LAMA2: variants seen among roughly 807,000 people sequenced by gnomAD.
LAMA2 encodes the protein laminin subunit alpha 2, also known as laminin subunit alpha-2.
A neutral mutation model predicts 364.8 loss-of-function variants in LAMA2; 269 were observed. The ratio of observed to expected loss-of-function variants is 0.74; its 90% CI spans 0.67 to 0.82. The LOEUF is 0.82. Ranked by LOEUF, LAMA2 falls within the 40% of genes least tolerant of loss-of-function variation. The pLI is 0.00. For synonymous variants in LAMA2, 1,379 were observed against 1,370.6 expected (o/e 1.01, Z -0.14); for missense variants, 3,807 against 3,873.2 (o/e 0.98, Z 0.45).
chr6:129,417,061 A>G (rs1057358038), intron 40 of LAMA2, among the ~76,000 whole-genome samples: 1 of 152,098 alleles, frequency 6.6e-6, no homozygotes, highest in Non-Finnish European at 1.5e-5. Context: ...AGCTCCCCAA[A>G]AGGCCACAGC....
At chr6:129,076,834 T>C (rs747999135) in intron 3 of LAMA2, among the ~76,000 whole-genome samples, 76 of 152,184 alleles carry the variant, frequency 5.0e-4, no homozygotes, top group Non-Finnish European at 6.8e-4. Context: ...TCAAATTTTC[T>C]GTAGGAAGGT....
At chr6:129,141,110 TC>T (rs1778099332) in intron 4 of LAMA2, among the ~76,000 whole-genome samples, 1 of 152,054 alleles carries the variant, frequency 6.6e-6, no homozygotes, top group African/African-American at 2.4e-5. Flanking sequence ...TTTCCTCCTT[TC>T]TTTCAAGTAG....
intron 6 of LAMA2, among the ~76,000 whole-genome samples, chr6:129,147,555 G>A (rs1002170602): frequency 6.6e-6 from 1 of 151,858 alleles, no homozygotes; most frequent in Non-Finnish European, 1.5e-5. Context: ...GTGGCAAGCC[G>A]GAAAATGCCA....
chr6:129,331,565 A>G (rs9492301), intron 29 of LAMA2, among the ~76,000 whole-genome samples: 2,149 of 152,128 alleles, frequency 0.014, 45 homozygotes, highest in African/African-American at 0.044. Flanking sequence ...TCCAGAAAAG[A>G]TCACATCTTC....
rs767640802 is a variant in LAMA2, at chr6:129,486,541, T to C, written c.7817T>C (p.Met2606Thr). The change falls in exon 56 of 65, where the codon ATG becomes ACG. Residue 2606 changes from methionine to threonine, a missense_variant. Transcript: ENST00000421865. ...CATCTCTCCACAGGGGCACGAACAA[T>C]GAGGAAAATTGTGATCAGACCAGAG... ...EVHLSTGART[M>T]RKIVIRPEPN... 31 of 1,613,434 alleles carry C rather than the reference T, an allele frequency of 1.9e-5. No homozygotes were observed. The highest frequency in any genetic ancestry group is 2.5e-5 in the Non-Finnish European group (30 of 1,179,552).
At chr6:129,005,803 A>G (rs2114684364) in intron 1 of LAMA2, among the ~76,000 whole-genome samples, 1 of 151,178 alleles carries the variant, frequency 6.6e-6, no homozygotes, top group Non-Finnish European at 1.5e-5. Flanking sequence ...TACAATTTAT[A>G]TATATGGATT....
At chr6:128,977,956 G>T (rs568274163) in intron 1 of LAMA2, among the ~76,000 whole-genome samples, 1 of 152,090 alleles carries the variant, frequency 6.6e-6, no homozygotes, top group Non-Finnish European at 1.5e-5. Flanking sequence ...TTCTAGCTAA[G>T]TACTTTCAGC....
At chr6:129,166,525 A>T (rs1779753774) in intron 9 of LAMA2, among the ~76,000 whole-genome samples, 1 of 152,212 alleles carries the variant, frequency 6.6e-6, no homozygotes, top group African/African-American at 2.4e-5. Context: ...CATGTAGACT[A>T]AATTTTGAAA....
intron 1 of LAMA2, among the ~76,000 whole-genome samples, chr6:129,009,058 TC>T (rs1208285588): frequency 1.3e-5 from 2 of 152,150 alleles, no homozygotes; most frequent in African/African-American, 4.8e-5. Flanking sequence ...TATCAATATC[TC>T]AAGTAAGTAT....
At chr6:129,042,659 C>G (rs1373952884) in intron 1 of LAMA2, among the ~76,000 whole-genome samples, 1 of 152,078 alleles carries the variant, frequency 6.6e-6, no homozygotes, top group Non-Finnish European at 1.5e-5. Flanking sequence ...TATGCCTCTT[C>G]CCAGTCAGTC....
chr6:129,050,657 G>C (rs777325456), intron 2 of LAMA2, among the ~76,000 whole-genome samples: 1 of 152,106 alleles, frequency 6.6e-6, no homozygotes, highest in Non-Finnish European at 1.5e-5. Flanking sequence ...GAGGGGAAGA[G>C]GAGAAGTCAT....
intron 12 of LAMA2, among the ~76,000 whole-genome samples, chr6:129,210,521 T>C (rs1435076429): frequency 1.3e-5 from 2 of 152,100 alleles, no homozygotes; most frequent in Admixed American, 6.6e-5. Flanking sequence ...TAATTTGGAA[T>C]GGGAGAGAAA....
chr6:129,179,530 G>A (rs1780807191), intron 10 of LAMA2, among the ~76,000 whole-genome samples: 1 of 152,118 alleles, frequency 6.6e-6, no homozygotes, highest in Non-Finnish European at 1.5e-5. Flanking sequence ...AAAGCCCCTT[G>A]AGCTACTTAC....
At chr6:129,266,020 G>A (rs1033438128) in intron 15 of LAMA2, among the ~76,000 whole-genome samples, 1 of 151,910 alleles carries the variant, frequency 6.6e-6, no homozygotes, top group Admixed American at 6.6e-5. Context: ...ATATCCTGAG[G>A]CAGAAGGAAC....
chr6:129,267,150 TG>T lies in LAMA2; in HGVS notation c.2255del (p.Gly752AlafsTer23). Reference sequence around the variant, plus strand: ...GGCGAGTTAACGGCACTATTTTTGGTGGCATCTGTGAGCCATGTCAGTGCTT... The same window carrying T: ...GGCGAGTTAACGGCACTATTTTTGGTGCATCTGTGAGCCATGTCAGTGCTT... Reference protein sequence around the residue: ...HRRVNGTIFGGICEPCQCFGH... With the variant: ...HRRVNGTIFGXICEPCQCFGH... On this transcript the variant is annotated frameshift_variant, in exon 16 of 65. Transcript: ENST00000421865. LOFTEE classifies it high-confidence loss of function. 1 of 1,613,476 alleles carries T rather than the reference TG, an allele frequency of 6.2e-7. No homozygotes were observed. Among genetic ancestry groups the T allele is most frequent in the Non-Finnish European group, 8.5e-7 (1 of 1,179,508 alleles).
At chr6:129,016,811 T>A (rs1785104312) in intron 1 of LAMA2, among the ~76,000 whole-genome samples, 1 of 151,758 alleles carries the variant, frequency 6.6e-6, no homozygotes. Context: ...AGGTTTTTAT[T>A]TATTACAATA....
chr6:129,105,835 C>A (rs1775789895), intron 4 of LAMA2, among the ~76,000 whole-genome samples: 1 of 152,066 alleles, frequency 6.6e-6, no homozygotes, highest in African/African-American at 2.4e-5. Flanking sequence ...CTTTAGAGAT[C>A]CTAGAATTAA....
At chr6:129,372,446 A>G (rs1196251991) in intron 34 of LAMA2, among the ~76,000 whole-genome samples, 1 of 152,140 alleles carries the variant, frequency 6.6e-6, no homozygotes, top group Non-Finnish European at 1.5e-5. Context: ...TATACACTTA[A>G]GGTTTCTCCA....
At chr6:128,956,793 A>G (rs1781175217) in intron 1 of LAMA2, among the ~76,000 whole-genome samples, 1 of 151,132 alleles carries the variant, frequency 6.6e-6, no homozygotes, top group Non-Finnish European at 1.5e-5. Flanking sequence ...TACTGTTTCA[A>G]GAGGTCACGA....
Sources: allele counts gnomAD v4.1 joint callset (sites outside exome capture counted in the v4.1 genomes callset), GRCh38; gene constraint gnomAD v4.1.1; transcripts MANE v1.5; gene names NCBI Gene and HGNC (gene_info 2026-07-23, HGNC 2026-07-21).